Variants in MMP16 observed in about 807,000 individuals in gnomAD.
MMP16 encodes matrix metalloproteinase-16.
Under a neutral mutation model 67.8 loss-of-function variants are expected in MMP16, and 12 were observed. The observed-to-expected ratio is 0.18, with a 90% CI of 0.11 to 0.29. The LOEUF (loss-of-function observed/expected upper bound fraction) is 0.29. Ranked by LOEUF, MMP16 falls within the 10% of genes least tolerant of loss-of-function variation. The probability of loss-of-function intolerance (pLI) is 1.00; values close to 1 mark genes in which losing one functional copy is unlikely to be tolerated. For synonymous variants in MMP16, 249 were observed against 255.9 expected (o/e 0.97, Z 0.26); for missense variants, 475 against 765.7 (o/e 0.62, Z 4.48).
chr8:88,224,243 A>G (rs1383306092), intron 1 of MMP16, among the ~76,000 whole-genome samples: 1 of 152,070 alleles, frequency 6.6e-6, no homozygotes, highest in East Asian at 1.9e-4. Context: ...GGCTATAAAC[A>G]AAGTTCCAGT....
At chr8:88,082,230 C>A (rs917857240) in intron 6 of MMP16, among the ~76,000 whole-genome samples, 4 of 151,854 alleles carry the variant, frequency 2.6e-5, no homozygotes, top group African/African-American at 9.7e-5. Flanking sequence ...AAGTAAAATG[C>A]AAACTGAAAC....
intron 6 of MMP16, among the ~76,000 whole-genome samples, chr8:88,091,481 C>A (rs894877389): frequency 2.0e-5 from 3 of 151,602 alleles, no homozygotes; most frequent in African/African-American, 7.3e-5. Flanking sequence ...ATCTCCTAAG[C>A]CACAGAGGAA....
intron 4 of MMP16, among the ~76,000 whole-genome samples, chr8:88,148,071 A>C (rs1808325039): frequency 1.3e-5 from 2 of 152,144 alleles, no homozygotes; most frequent in South Asian, 4.1e-4. Context: ...TTTGTTCACA[A>C]AATATTTTTT....
At position 88,066,416 on chromosome 8, in the gene MMP16, G is replaced by A. The variant is rs186040838; in HGVS notation, c.1222+8189C>T. 1.2e-3 allele frequency among the ~76,000 whole-genome samples: 189 copies of A among 152,120 alleles called. 1 individual carries two copies. Among genetic ancestry groups the A allele is most frequent in the African/African-American group, 4.5e-3 (186 of 41,500 alleles). On this transcript the variant is annotated intron_variant, in intron 7 of 9. Transcript: ENST00000286614. ...GGAAAAAAAAACATATTACTTCCTCGAGGTGTGATACATTTTCTATTTCTG... is the reference window on the plus strand; with the variant it reads ...GGAAAAAAAAACATATTACTTCCTCAAGGTGTGATACATTTTCTATTTCTG...
chr8:88,318,653 C>T (rs1811409448), intron 1 of MMP16, among the ~76,000 whole-genome samples: 1 of 152,114 alleles, frequency 6.6e-6, no homozygotes, highest in African/African-American at 2.4e-5. Flanking sequence ...AGCAATATAA[C>T]CTTGGCAAGT....
chr8:88,156,038 C>T (rs1808503715), intron 4 of MMP16, among the ~76,000 whole-genome samples: 1 of 152,082 alleles, frequency 6.6e-6, no homozygotes, highest in African/African-American at 2.4e-5. Context: ...GAGTTAAATA[C>T]ACAAAATTAA....
Position 88,067,458 on chromosome 8 carries a change from A to T in MMP16, c.1222+7147T>A, listed in dbSNP as rs1047381533. Among the ~76,000 whole-genome samples the T allele has an allele frequency of 3.3e-5, 5 of 152,146 alleles. No homozygotes were observed. The East Asian group carries it at 9.6e-4, about 29-fold the overall frequency. ...ACAGTCTTATTGTGGTATAACTGAC[A>T]TTCAATAAATTTAATGTGTATAATT... On this transcript the variant is annotated intron_variant, in intron 7 of 9. Transcript: ENST00000286614.
intron 2 of MMP16, among the ~76,000 whole-genome samples, chr8:88,196,639 T>G (rs1330119778): frequency 6.6e-6 from 1 of 152,132 alleles, no homozygotes; most frequent in Non-Finnish European, 1.5e-5. Context: ...TATCTTTGAT[T>G]TAGAACCGTC....
At chr8:88,281,765 T>A (rs913317794) in intron 1 of MMP16, among the ~76,000 whole-genome samples, 2 of 152,134 alleles carry the variant, frequency 1.3e-5, no homozygotes, top group African/African-American at 2.4e-5. Context: ...CAGCCCACCA[T>A]GTTTTCTCAA....
chr8:88,112,990 A>C (rs1435052885), intron 6 of MMP16, among the ~76,000 whole-genome samples: 1 of 151,848 alleles, frequency 6.6e-6, no homozygotes, highest in Non-Finnish European at 1.5e-5. Flanking sequence ...GCAAGGAATA[A>C]CAACTTACCA....
At chr8:88,195,221 A>C (rs938061676) in intron 2 of MMP16, among the ~76,000 whole-genome samples, 3 of 152,142 alleles carry the variant, frequency 2.0e-5, no homozygotes, top group African/African-American at 4.8e-5. Flanking sequence ...TTCCATCCCA[A>C]GTCCTTCCAA....
intron 6 of MMP16, among the ~76,000 whole-genome samples, chr8:88,109,041 C>A (rs1465091241): frequency 6.6e-6 from 1 of 151,282 alleles, no homozygotes; most frequent in African/African-American, 2.4e-5. Flanking sequence ...CAATCAAGAA[C>A]TTCTCTCATG....
At chr8:88,145,398 G>A (rs1361563694) in intron 4 of MMP16, among the ~76,000 whole-genome samples, 1 of 151,650 alleles carries the variant, frequency 6.6e-6, no homozygotes, top group Admixed American at 6.6e-5. Context: ...CATATGTAAG[G>A]GCCATCATTG....
chr8:88,120,541 G>A (rs1267734299), intron 4 of MMP16, among the ~76,000 whole-genome samples: 1 of 151,868 alleles, frequency 6.6e-6, no homozygotes, highest in Non-Finnish European at 1.5e-5. Context: ...GCTGGAGTAT[G>A]CTATCAATGG....
At chr8:88,160,179 T>A (rs1242353492) in intron 4 of MMP16, among the ~76,000 whole-genome samples, 4 of 151,970 alleles carry the variant, frequency 2.6e-5, no homozygotes, top group Middle Eastern at 3.2e-3. Context: ...TGTACATGTG[T>A]TCTCATTGCT....
At chr8:88,237,728 T>C (rs986676261) in intron 1 of MMP16, among the ~76,000 whole-genome samples, 2 of 152,118 alleles carry the variant, frequency 1.3e-5, no homozygotes, top group African/African-American at 4.8e-5. Flanking sequence ...AAGCAAAGTA[T>C]TTGTGAAAGA....
At chr8:88,248,965 T>C (rs1810163790) in intron 1 of MMP16, among the ~76,000 whole-genome samples, 1 of 151,938 alleles carries the variant, frequency 6.6e-6, no homozygotes, top group Non-Finnish European at 1.5e-5. Flanking sequence ...TAATTTCTTG[T>C]AAAATTAAAC....
intron 1 of MMP16, among the ~76,000 whole-genome samples, chr8:88,203,183 A>G (rs1809371856): frequency 7.2e-6 from 1 of 137,960 alleles, no homozygotes; most frequent in Non-Finnish European, 1.5e-5. Flanking sequence ...GGCTCACTTC[A>G]ACCTCCGTCA....
chr8:88,210,242 C>T (rs1809492712), intron 1 of MMP16, among the ~76,000 whole-genome samples: 1 of 152,184 alleles, frequency 6.6e-6, no homozygotes, highest in Non-Finnish European at 1.5e-5. Flanking sequence ...TACTTCACCA[C>T]TCAAACATAC....
Sources: gnomAD v4.1 joint callset for allele counts (sites outside exome capture counted in the v4.1 genomes callset) on GRCh38, gnomAD v4.1.1 for gene constraint, MANE v1.5 for transcripts, NCBI Gene and HGNC (gene_info 2026-07-23, HGNC 2026-07-21) for gene names.